Variants in TCF4 observed in about 807,000 individuals in gnomAD.
The protein encoded by TCF4 is SL3-3 enhancer factor 2.
A neutral mutation model predicts 82.1 loss-of-function variants in TCF4; 3 were observed. The observed-to-expected ratio is 0.04, with a 90% CI of 0.02 to 0.09. The LOEUF (loss-of-function observed/expected upper bound fraction) is 0.09, where lower values mean the gene tolerates loss of function less well. Ranked by LOEUF, TCF4 falls within the 10% of genes least tolerant of loss-of-function variation. The probability of loss-of-function intolerance (pLI) is 1.00; values close to 1 mark genes in which losing one functional copy is unlikely to be tolerated. For missense variants in TCF4, 518 were observed against 852.7 expected, an observed-to-expected ratio of 0.61 and a Z score of 4.89; for synonymous variants, 276 against 309.6, an observed-to-expected ratio of 0.89 and a Z score of 1.14.
At chr18:55,433,444 T>G (rs745698112) in intron 5 of TCF4, among the ~76,000 whole-genome samples, 5 of 152,226 alleles carry the variant, frequency 3.3e-5, no homozygotes, top group Non-Finnish European at 7.3e-5. Flanking sequence ...ACAGACACTG[T>G]TGGACAAAAG....
chr18:55,233,027 C>A (rs2048336929), intron 16 of TCF4, among the ~76,000 whole-genome samples: 1 of 152,156 alleles, frequency 6.6e-6, no homozygotes. Context: ...CTTCCATATG[C>A]AATGATTTAA....
intron 5 of TCF4, among the ~76,000 whole-genome samples, chr18:55,447,571 T>C (rs2095548317): frequency 6.6e-6 from 1 of 152,142 alleles, no homozygotes; most frequent in African/African-American, 2.4e-5. Flanking sequence ...CAAAGACTCA[T>C]TTGAGTATTG....
intron 6 of TCF4, among the ~76,000 whole-genome samples, chr18:55,379,670 A>G (rs2091538077): frequency 6.6e-6 from 1 of 152,200 alleles, no homozygotes. Flanking sequence ...ACTCGGCTTG[A>G]TGATCATTTT....
At chr18:55,367,461 T>A (rs945077034) in intron 6 of TCF4, among the ~76,000 whole-genome samples, 2 of 152,242 alleles carry the variant, frequency 1.3e-5, no homozygotes, top group Non-Finnish European at 2.9e-5. Context: ...AACATTTTCA[T>A]AGTTCAACCA....
chr18:55,453,875 A>G (rs1319104034), intron 5 of TCF4, among the ~76,000 whole-genome samples: 1 of 151,424 alleles, frequency 6.6e-6, no homozygotes, highest in African/African-American at 2.4e-5. Context: ...ATTATTAGCA[A>G]TGGGGTCTCT....
At chr18:55,407,100 C>A (rs2094131165) in intron 5 of TCF4, among the ~76,000 whole-genome samples, 1 of 152,034 alleles carries the variant, frequency 6.6e-6, no homozygotes, top group Admixed American at 6.6e-5. Context: ...GGGGGAGATT[C>A]TGAAATATAT....
intron 6 of TCF4, among the ~76,000 whole-genome samples, chr18:55,385,886 C>A (rs1307268942): frequency 6.6e-6 from 1 of 152,216 alleles, no homozygotes; most frequent in Non-Finnish European, 1.5e-5. Context: ...GGCAATCAGG[C>A]CATCGCTACT....
chr18:55,518,614 A>T (rs1042189789), intron 3 of TCF4, among the ~76,000 whole-genome samples: 2 of 152,146 alleles, frequency 1.3e-5, no homozygotes, highest in Non-Finnish European at 2.9e-5. Context: ...TCCAACAAAA[A>T]TTTTTTTAAC....
chr18:55,376,918 G>A (rs2090902169), intron 6 of TCF4, among the ~76,000 whole-genome samples: 1 of 152,174 alleles, frequency 6.6e-6, no homozygotes, highest in Admixed American at 6.5e-5. Context: ...GCTTTCCTGT[G>A]AAAATTTCAG....
In TCF4 at chr18:55,234,654, G is replaced by A. The variant is rs2048843909; in HGVS notation, c.1380C>T (p.Ala460=). The change falls in exon 16 of 20, where the codon GCC becomes GCT. Residue 460 remains alanine (A), a synonymous_variant. Transcript: ENST00000354452. ...MVGTHREDGV[A]LRGSHSLLPN... ...GCAGAAGAGAATGGCTGCCTCTCAG[G>A]GCCACGCCATCTTCACGATGGGTCC... 6.2e-7 allele frequency: 1 copy of A among 1,614,026 alleles called. No homozygotes were observed. The highest frequency in any genetic ancestry group is 8.5e-7 in the Non-Finnish European group (1 of 1,180,024).
At chr18:55,551,619 C>G in intron 3 of TCF4, 1 of 152,630 alleles carries the variant, frequency 6.6e-6, no homozygotes, top group South Asian at 2.1e-4. Context: ...GTGTTCCTTC[C>G]GACTCTCCAT....
chr18:55,558,864 T>G (rs1035422361), intron 3 of TCF4, among the ~76,000 whole-genome samples: 4 of 152,088 alleles, frequency 2.6e-5, no homozygotes, highest in Non-Finnish European at 5.9e-5. Context: ...GTACTCACTT[T>G]CCTAGATGGG....
At chr18:55,352,800 A>C (rs2082584324) in intron 6 of TCF4, among the ~76,000 whole-genome samples, 1 of 152,164 alleles carries the variant, frequency 6.6e-6, no homozygotes, top group African/African-American at 2.4e-5. Flanking sequence ...CTCAACCTAA[A>C]TTTCACTCTT....
intron 8 of TCF4, among the ~76,000 whole-genome samples, chr18:55,283,190 A>T: frequency 6.9e-6 from 1 of 144,494 alleles, no homozygotes; most frequent in South Asian, 2.2e-4. Flanking sequence ...TACAGATTTA[A>T]TTTTTTTTTT....
chr18:55,396,353 A>G lies in TCF4; in HGVS notation c.369+7101T>C, dbSNP rs115726763. Reference sequence around the variant, plus strand: ...ACTCAGAGATTTATATTGGCACCTAATACTAGTTACTCAGGCTTCCTTTAG... The same window carrying G: ...ACTCAGAGATTTATATTGGCACCTAGTACTAGTTACTCAGGCTTCCTTTAG... On this transcript the variant is annotated intron_variant, in intron 6 of 19. Coordinates refer to ENST00000354452, the MANE Select transcript of TCF4 (RefSeq NM_001083962.2). Among the ~76,000 whole-genome samples, 198 of 152,330 alleles carry G rather than the reference A, an allele frequency of 1.3e-3. 1 individual carries two copies. Among genetic ancestry groups the G allele is most frequent in the African/African-American group, 4.6e-3 (191 of 41,584 alleles).
chr18:55,226,975 G>A lies in TCF4; in HGVS notation c.*1060C>T, dbSNP rs890813130. The A allele has an allele frequency of 1.3e-5, 2 of 152,496 alleles. No homozygotes were observed. Among genetic ancestry groups the A allele is most frequent in the Non-Finnish European group, 2.9e-5 (2 of 68,004 alleles). 9.4% of individuals were successfully genotyped at this position (152,496 alleles called of 1,614,324 possible). The stretch of plus-strand genomic sequence containing the variant: ...GGTAACATTGTAGCATTCTAACCTT[G>A]TACCTCTGAAAATCCCAGAATAGGT... On this transcript the variant is annotated 3_prime_UTR_variant, in exon 20 of 20. Transcript: ENST00000354452.
intron 5 of TCF4, among the ~76,000 whole-genome samples, chr18:55,420,899 G>GAAAAAAAAAAAA: frequency 9.9e-6 from 1 of 101,326 alleles, no homozygotes; most frequent in Non-Finnish European, 2.1e-5. Flanking sequence ...CGCTTTAAAA[G>GAAAAAAAAAAAA]AAAAAAAAAA....
intron 2 of TCF4, among the ~76,000 whole-genome samples, chr18:55,628,403 G>T (rs2097728626): frequency 6.6e-6 from 1 of 152,044 alleles, no homozygotes; most frequent in Non-Finnish European, 1.5e-5. Flanking sequence ...GGCTGAATTT[G>T]ACAGAATTTA....
intron 8 of TCF4, among the ~76,000 whole-genome samples, chr18:55,328,330 AT>A (rs1473815599): frequency 6.6e-6 from 1 of 151,636 alleles, no homozygotes; most frequent in African/African-American, 2.4e-5. Flanking sequence ...TATGCCTCTT[AT>A]TTTTCCCCAG....
Sources: gnomAD v4.1 joint callset for allele counts (sites outside exome capture counted in the v4.1 genomes callset) on GRCh38, gnomAD v4.1.1 for gene constraint, MANE v1.5 for transcripts, NCBI Gene and HGNC (gene_info 2026-07-23, HGNC 2026-07-21) for gene names.